Variants in DNAH3 observed in about 807,000 individuals in gnomAD.
DNAH3 encodes the protein dynein axonemal heavy chain 3, also known as axonemal beta dynein heavy chain 3.
In DNAH3, 332 loss-of-function variants were observed where a neutral mutation model predicts 432.5. The observed-to-expected ratio is 0.77, with a 90% CI of 0.70 to 0.84. DNAH3 has a LOEUF of 0.84. Ranked by LOEUF, DNAH3 falls within the 40% of genes least tolerant of loss-of-function variation. The pLI, the probability that DNAH3 is intolerant of heterozygous loss-of-function variation, is 0.00. For missense variants in DNAH3, 4,861 were observed against 5,114.0 expected, an observed-to-expected ratio of 0.95 and a Z score of 1.51; for synonymous variants, 1,956 against 1,900.2, an observed-to-expected ratio of 1.03 and a Z score of -0.76.
At chr16:20,986,085 A>G (rs1356170104) in intron 47 of DNAH3, among the ~76,000 whole-genome samples, 3 of 151,866 alleles carry the variant, frequency 2.0e-5, no homozygotes, top group African/African-American at 7.3e-5. Flanking sequence ...GAAACTCCTG[A>G]TATCAGGTTA....
intron 1 of DNAH3, among the ~76,000 whole-genome samples, chr16:21,156,159 A>G (rs2092895632): frequency 1.4e-5 from 2 of 145,418 alleles, no homozygotes; most frequent in South Asian, 4.4e-4. Context: ...TCTGGGAGTT[A>G]TTCTTATTTT....
At chr16:20,985,301 C>T (rs1027368145) in exon 48 of DNAH3, 6 of 1,614,036 alleles carry the variant, frequency 3.7e-6, no homozygotes, top group East Asian at 2.2e-5. Flanking sequence ...GTGGCCACAC[C>T]GACCTGCAGT....
chr16:21,124,492 T>A (rs1482047487), intron 9 of DNAH3, among the ~76,000 whole-genome samples: 1 of 152,218 alleles, frequency 6.6e-6, no homozygotes, highest in Non-Finnish European at 1.5e-5. Context: ...AATCCACAGC[T>A]GGACTGGACT....
intron 14 of DNAH3, among the ~76,000 whole-genome samples, chr16:21,109,338 C>T (rs956496504): frequency 1.6e-4 from 24 of 151,972 alleles, no homozygotes; most frequent in African/African-American, 1.2e-4. Context: ...TTCATCAACA[C>T]GATGGGGAAA....
rs575996536 is a variant in DNAH3, at chr16:20,990,224, C to T, written c.6602-2159G>A. Among the ~76,000 whole-genome samples the T allele has an allele frequency of 3.8e-4, 58 of 152,326 alleles. 1 individual carries two copies. The highest frequency in any genetic ancestry group is 6.8e-3 in the Middle Eastern group (2 of 294). On this transcript the variant is annotated intron_variant, in intron 44 of 61. Transcript: ENST00000261383. ...ACCTCTCACTTTCACTTACCTTATACGCGCCAAATCCATTCTCCCCTGCTA... is the reference window on the plus strand; with the variant it reads ...ACCTCTCACTTTCACTTACCTTATATGCGCCAAATCCATTCTCCCCTGCTA...
At chr16:20,946,840 T>TC (rs1274027207) in intron 57 of DNAH3, among the ~76,000 whole-genome samples, 1 of 147,116 alleles carries the variant, frequency 6.8e-6, no homozygotes, top group Non-Finnish European at 1.5e-5. Context: ...TTTTTTTTTT[T>TC]TTTTGAGACA....
exon 48 of DNAH3, chr16:20,985,570 T>C: frequency 6.2e-7 from 1 of 1,614,212 alleles, no homozygotes; most frequent in South Asian, 1.1e-5. Context: ...TTCCAGATAG[T>C]GCTCCATGAC....
intron 32 of DNAH3, among the ~76,000 whole-genome samples, chr16:21,040,169 C>T (rs1420596510): frequency 6.6e-6 from 1 of 151,998 alleles, no homozygotes; most frequent in Non-Finnish European, 1.5e-5. Flanking sequence ...CATGTTGTTA[C>T]TTACATTGGG....
intron 25 of DNAH3, among the ~76,000 whole-genome samples, chr16:21,061,568 A>T (rs2090362698): frequency 6.6e-6 from 1 of 152,232 alleles, no homozygotes; most frequent in South Asian, 2.1e-4. Context: ...TGAAACAGAC[A>T]ACTTCTCAGA....
intron 18 of DNAH3, among the ~76,000 whole-genome samples, chr16:21,095,429 A>G (rs1389754255): frequency 6.6e-6 from 1 of 152,226 alleles, no homozygotes; most frequent in East Asian, 1.9e-4. Flanking sequence ...TGCTGAGTGA[A>G]GGAAGCAGTC....
intron 58 of DNAH3, among the ~76,000 whole-genome samples, chr16:20,943,596 T>C (rs906757212): frequency 1.3e-5 from 2 of 152,128 alleles, no homozygotes; most frequent in East Asian, 1.9e-4. Flanking sequence ...TGCCAATTCT[T>C]TGACACTCAC....
chr16:20,986,638 G>A (rs1351764531), intron 47 of DNAH3, among the ~76,000 whole-genome samples: 1 of 152,140 alleles, frequency 6.6e-6, no homozygotes, highest in Non-Finnish European at 1.5e-5. Context: ...TGAAGGATGT[G>A]CTTTTCTTAG....
intron 55 of DNAH3, among the ~76,000 whole-genome samples, chr16:20,953,391 G>A (rs1289694136): frequency 6.6e-6 from 1 of 151,968 alleles, no homozygotes; most frequent in Non-Finnish European, 1.5e-5. Context: ...ACTCCTGATC[G>A]CAAGTGATCC....
At chr16:21,086,923 C>A (rs755126756) in exon 19 of DNAH3, 1 of 1,614,184 alleles carries the variant, frequency 6.2e-7, no homozygotes, top group Non-Finnish European at 8.5e-7. Flanking sequence ...TTGAACTTAT[C>A]GATCTTGATC....
At chr16:20,979,897 G>A (rs113206587) in intron 49 of DNAH3, among the ~76,000 whole-genome samples, 2 of 152,060 alleles carry the variant, frequency 1.3e-5, no homozygotes, top group African/African-American at 4.8e-5. Flanking sequence ...TTACAGGCAT[G>A]TGCCACCACG....
intron 44 of DNAH3, among the ~76,000 whole-genome samples, chr16:20,988,652 G>C (rs1343851215): frequency 1.3e-5 from 2 of 152,218 alleles, no homozygotes; most frequent in African/African-American, 2.4e-5. Context: ...CATTGTAAAA[G>C]AGTCTATCAA....
intron 35 of DNAH3, 61 bp downstream of exon 35, chr16:21,036,653 A>G: frequency 2.0e-6 from 3 of 1,485,604 alleles, no homozygotes; most frequent in Non-Finnish European, 2.8e-6. Flanking sequence ...ATAAGACTTT[A>G]CTGTTTGCTG....
chr16:21,104,614 T>C lies in DNAH3; in HGVS notation c.2285-62A>G, dbSNP rs765910480. 1.1e-5 allele frequency: 15 copies of C among 1,406,206 alleles called. No individual in the cohort carries two copies. The East Asian group carries it at 3.2e-4, about 30-fold the overall frequency. 87.1% of individuals were successfully genotyped at this position (1,406,206 alleles called of 1,614,324 possible). A position where few individuals can be genotyped will look rare whatever the true frequency, so the allele number is the denominator to read the frequency against. On this transcript the variant is annotated intron_variant, in intron 15 of 61. Coordinates refer to ENST00000261383, the Ensembl canonical transcript of DNAH3. ...CCTCATCTGCAAAACACATACTGCC[T>C]GCTCCAGGACACTGTTTAGCATAGG...
Position 21,141,378 on chromosome 16 carries a change from A to G in DNAH3, c.449-6T>C, listed in dbSNP as rs2092716885. On this transcript the variant is annotated splice_polypyrimidine_tract_variant and splice_region_variant and intron_variant, in intron 3 of 61. Coordinates refer to ENST00000261383, the Ensembl canonical transcript of DNAH3. ...CTCTGATGAGCTTCTATTTCCTGGAAGAATGGAGAAGAAAGACATCAGTGA... is the reference window on the plus strand; with the variant it reads ...CTCTGATGAGCTTCTATTTCCTGGAGGAATGGAGAAGAAAGACATCAGTGA... 3 of 1,580,562 alleles carry G rather than the reference A, an allele frequency of 1.9e-6. No homozygotes were observed. Among genetic ancestry groups the G allele is most frequent in the Non-Finnish European group, 2.6e-6 (3 of 1,159,502 alleles).
Sources: gnomAD v4.1 joint callset for allele counts (sites outside exome capture counted in the v4.1 genomes callset) on GRCh38, gnomAD v4.1.1 for gene constraint, MANE v1.5 for transcripts, NCBI Gene and HGNC (gene_info 2026-07-23, HGNC 2026-07-21) for gene names.